The following CCDC3 variants were observed in gnomAD, a reference collection of about 807,000 sequenced individuals.
The protein encoded by CCDC3 is coiled-coil domain containing 3, also known as coiled-coil domain-containing protein 3.
A neutral mutation model predicts 21.4 loss-of-function variants in CCDC3; 24 were observed. The ratio of observed to expected loss-of-function variants is 1.12; its 90% CI spans 0.81 to 1.58. The LOEUF is 1.58. Among genes scored for constraint, CCDC3 ranks in the 40% most tolerant of loss-of-function variants. CCDC3 has a pLI of 0.00. For missense variants in CCDC3, 425 were observed against 360.9 expected, an observed-to-expected ratio of 1.18 and a Z score of -1.44; for synonymous variants, 186 against 166.0, an observed-to-expected ratio of 1.12 and a Z score of -0.93.
chr10:13,067,627 CA>C (rs1464197621), intron 4 of CCDC3, among the ~76,000 whole-genome samples: 1 of 152,188 alleles, frequency 6.6e-6, no homozygotes, highest in Non-Finnish European at 1.5e-5. Flanking sequence ...TCTTAGCCTC[CA>C]CCATTTTACA....
chr10:13,054,101 G>T (rs1425341495), intron 4 of CCDC3, among the ~76,000 whole-genome samples: 3 of 148,912 alleles, frequency 2.0e-5, no homozygotes, highest in Non-Finnish European at 4.5e-5. Context: ...GCCGAGATAG[G>T]GCCGCTGCAC....
chr10:12,992,247 G>C (rs192278482), intron 2 of CCDC3, among the ~76,000 whole-genome samples: 14 of 152,064 alleles, frequency 9.2e-5, no homozygotes, highest in Non-Finnish European at 1.5e-4. Context: ...AAAATCAGCT[G>C]GCCGTGGTGC....
At chr10:12,977,854 A>G (rs753009838) in intron 2 of CCDC3, among the ~76,000 whole-genome samples, 14 of 152,328 alleles carry the variant, frequency 9.2e-5, no homozygotes, top group South Asian at 2.1e-4. Flanking sequence ...AAATACTCAT[A>G]AAAGACATCC....
chr10:13,010,900 G>A (rs1030874826), intron 5 of CCDC3, among the ~76,000 whole-genome samples: 2 of 152,112 alleles, frequency 1.3e-5, no homozygotes, highest in African/African-American at 4.8e-5. Context: ...GGTCACAAAG[G>A]GCCGGGCACA....
intron 3 of CCDC3, among the ~76,000 whole-genome samples, chr10:13,098,077 T>G (rs2131460004): frequency 6.6e-6 from 1 of 152,252 alleles, no homozygotes; most frequent in Admixed American, 6.5e-5. Context: ...AGCTAAGAAG[T>G]GGTTGTCGGG....
At chr10:13,058,335 T>C (rs1836709407) in intron 4 of CCDC3, 11 of 1,258,540 alleles carry the variant, frequency 8.7e-6, no homozygotes, top group Non-Finnish European at 1.0e-5. Flanking sequence ...ATCTTGTCCA[T>C]GCCAAACCTA....
At chr10:13,078,288 T>A in intron 3 of CCDC3, among the ~76,000 whole-genome samples, 1 of 151,958 alleles carries the variant, frequency 6.6e-6, no homozygotes, top group East Asian at 1.9e-4. Context: ...ATCAGAGAAA[T>A]GCAAATCAAA....
At chr10:12,901,508 C>T (rs1419902054) in intron 2 of CCDC3, among the ~76,000 whole-genome samples, 6 of 152,206 alleles carry the variant, frequency 3.9e-5, no homozygotes, top group South Asian at 4.2e-4. Flanking sequence ...TTCCTGACCT[C>T]GTGATCTGCC....
chr10:13,086,427 T>C (rs957729683), intron 3 of CCDC3, among the ~76,000 whole-genome samples: 1 of 152,232 alleles, frequency 6.6e-6, no homozygotes, highest in Non-Finnish European at 1.5e-5. Context: ...TTGGGAGTTA[T>C]GAATAAAACT....
intron 2 of CCDC3, among the ~76,000 whole-genome samples, chr10:12,977,952 T>C (rs1290447387): frequency 6.6e-6 from 1 of 151,962 alleles, no homozygotes; most frequent in Non-Finnish European, 1.5e-5. Flanking sequence ...GGCGTACAGA[T>C]GGTGTCAATG....
chr10:13,013,324 T>G (rs868800400), intron 5 of CCDC3, among the ~76,000 whole-genome samples: 1 of 152,206 alleles, frequency 6.6e-6, no homozygotes, highest in Non-Finnish European at 1.5e-5. Context: ...CACAAACATT[T>G]TGTGCCAAAA....
chr10:12,919,871 G>C (rs1030237603), intron 2 of CCDC3, among the ~76,000 whole-genome samples: 1 of 152,192 alleles, frequency 6.6e-6, no homozygotes. Flanking sequence ...TGTAAGAAAA[G>C]CTATGCTCAG....
chr10:12,983,585 A>C (rs1485650130), intron 2 of CCDC3, among the ~76,000 whole-genome samples: 1 of 151,952 alleles, frequency 6.6e-6, no homozygotes, highest in Non-Finnish European at 1.5e-5. Flanking sequence ...AAAAAAAAAA[A>C]ACAAAAGAAA....
intron 5 of CCDC3, among the ~76,000 whole-genome samples, chr10:13,011,701 T>A (rs933898572): frequency 3.9e-5 from 6 of 152,140 alleles, no homozygotes; most frequent in African/African-American, 1.4e-4. Context: ...AAAAGACTAT[T>A]CCAAAATGTA....
intron 2 of CCDC3, among the ~76,000 whole-genome samples, chr10:12,954,894 TCAGA>T (rs1212232671): frequency 1.3e-5 from 2 of 152,294 alleles, no homozygotes; most frequent in African/African-American, 4.8e-5. Flanking sequence ...CATAAGGGAC[TCAGA>T]CAGTCATGAT....
intron 2 of CCDC3, among the ~76,000 whole-genome samples, chr10:12,945,704 A>G (rs1834905636): frequency 6.6e-6 from 1 of 152,238 alleles, no homozygotes; most frequent in Non-Finnish European, 1.5e-5. Context: ...TAGGAAATAA[A>G]GACTGTTTTA....
chr10:12,988,406 G>C lies in CCDC3; in HGVS notation c.549+9932C>G, dbSNP rs189673772. ...TTGTCGCCCAGGCTGGAGTACAGTA[G>C]TGCAATCTCAGCTCACTGCAATCTC... On this transcript the variant is annotated intron_variant, in intron 2 of 2. Coordinates refer to ENST00000378825, the MANE Select transcript of CCDC3 (RefSeq NM_031455.4). 2.8e-3 allele frequency among the ~76,000 whole-genome samples: 428 copies of C among 152,176 alleles called. 2 individuals carry two copies. The highest frequency in any genetic ancestry group is 4.2e-3 in the Non-Finnish European group (286 of 68,024).
chr10:12,920,373 A>G lies in CCDC3; in HGVS notation c.550-21694T>C, dbSNP rs117310040. On this transcript the variant is annotated intron_variant, in intron 2 of 2. Transcript: ENST00000378825. The stretch of plus-strand genomic sequence containing the variant: ...GTACGAATTGTGGCAGTACAATTCA[A>G]GATGAGATTTGGGTGGGGACAGAGC... 1.4e-3 allele frequency among the ~76,000 whole-genome samples: 214 copies of G among 152,340 alleles called. 7 individuals carry two copies. The East Asian group carries it at 0.031, about 22-fold the overall frequency.
intron 2 of CCDC3, among the ~76,000 whole-genome samples, chr10:12,956,944 C>T (rs1835099118): frequency 6.6e-6 from 1 of 152,244 alleles, no homozygotes; most frequent in South Asian, 2.1e-4. Context: ...CCTGACCTCC[C>T]TTTTCACAGA....
Sources: allele counts gnomAD v4.1 joint callset (sites outside exome capture counted in the v4.1 genomes callset), GRCh38; gene constraint gnomAD v4.1.1; transcripts MANE v1.5; gene names NCBI Gene and HGNC (gene_info 2026-07-23, HGNC 2026-07-21).